The following RNF4 variants were observed in gnomAD, a reference collection of about 807,000 sequenced individuals.
The protein encoded by RNF4 is ring finger protein 4.
RNF4 carries 7 observed loss-of-function variants against 24.3 expected under a neutral mutation model. The ratio of observed to expected loss-of-function variants is 0.29; its 90% CI spans 0.16 to 0.54. RNF4 has a LOEUF of 0.54. Among genes scored for constraint, RNF4 ranks in the 20% least tolerant of loss-of-function variants. The pLI, the probability that RNF4 is intolerant of heterozygous loss-of-function variation, is 0.95. For missense variants in RNF4, 209 were observed against 248.5 expected, an observed-to-expected ratio of 0.84 and a Z score of 1.07; for synonymous variants, 83 against 84.3, an observed-to-expected ratio of 0.98 and a Z score of 0.09.
intron 2 of RNF4, among the ~76,000 whole-genome samples, chr4:2,494,000 G>A (rs34376263): frequency 0.2 from 30,210 of 151,474 alleles, 3,454 homozygotes; most frequent in Middle Eastern, 0.32. Flanking sequence ...ATGCCACCAC[G>A]CCCAGCTACT....
intron 1 of RNF4, among the ~76,000 whole-genome samples, chr4:2,470,756 G>A (rs372844181): frequency 1.2e-4 from 18 of 152,124 alleles, no homozygotes; most frequent in East Asian, 1.9e-4. Context: ...AACAGTCGTG[G>A]TCCTCCTGTA....
chr4:2,481,892 TAG>T (rs1735256307), intron 1 of RNF4, among the ~76,000 whole-genome samples: 1 of 152,166 alleles, frequency 6.6e-6, no homozygotes, highest in Non-Finnish European at 1.5e-5. Flanking sequence ...TATTTTTTTG[TAG>T]AGACAGGATT....
At chr4:2,474,681 TCTTTCATGAAAG>T (rs1735014307) in intron 1 of RNF4, among the ~76,000 whole-genome samples, 1 of 152,172 alleles carries the variant, frequency 6.6e-6, no homozygotes, top group African/African-American at 2.4e-5. Flanking sequence ...TACAGAGAAA[TCTTTCATGAAAG>T]GAAGAGACAA....
intron 2 of RNF4, among the ~76,000 whole-genome samples, chr4:2,494,373 C>CTT (rs753327529): frequency 0.017 from 1,708 of 98,242 alleles, 77 homozygotes; most frequent in Middle Eastern, 0.034. Flanking sequence ...CAACTTAGAA[C>CTT]TTTTTTTTTT....
At chr4:2,484,290 G>C (rs1735341482) in intron 1 of RNF4, among the ~76,000 whole-genome samples, 1 of 151,986 alleles carries the variant, frequency 6.6e-6, no homozygotes, top group South Asian at 2.1e-4. Context: ...TTCTGGTTCT[G>C]CTGTGCTCCC....
chr4:2,498,702 T>C (rs888206918), intron 3 of RNF4, among the ~76,000 whole-genome samples: 1 of 152,192 alleles, frequency 6.6e-6, no homozygotes, highest in African/African-American at 2.4e-5. Flanking sequence ...GCCAGCCAGA[T>C]TGCTTGAGCC....
At position 2,515,115 on chromosome 4, in the gene RNF4, G is replaced by C. The variant is rs778239610; in HGVS notation, c.*1296G>C. ...CCGGCATGCCTCCTCTTCCACTGTC[G>C]TCCTTCCTCAGAGGGCCTCACGCCA... is the stretch of plus-strand genomic sequence containing the variant. On this transcript the variant is annotated 3_prime_UTR_variant, in exon 8 of 8. Transcript: ENST00000314289. The C allele has an allele frequency of 2.0e-5, 3 of 152,612 alleles. No homozygotes were observed. The highest frequency in any genetic ancestry group is 4.4e-5 in the Non-Finnish European group (3 of 68,052). 9.5% of individuals were successfully genotyped at this position (152,612 alleles called of 1,614,324 possible). A position where few individuals can be genotyped will look rare whatever the true frequency, so the allele number is the denominator to read the frequency against.
chr4:2,490,670 G>A (rs942715666), intron 2 of RNF4, 168 bp downstream of exon 2: 26 of 627,206 alleles, frequency 4.1e-5, no homozygotes, highest in Admixed American at 1.2e-4. Context: ...CTTACTTACC[G>A]ACATTGAGCT....
rs528857303 is a variant in RNF4 at position 2,478,052 on chromosome 4, G to A, written c.-158+8794G>A. Among the ~76,000 whole-genome samples, 14 of 152,296 alleles carry A rather than the reference G, an allele frequency of 9.2e-5. No individual in the cohort carries two copies. The South Asian group carries it at 2.9e-3, about 32-fold the overall frequency. On this transcript the variant is annotated intron_variant, in intron 1 of 7. Coordinates refer to ENST00000314289, the MANE Select transcript of RNF4 (RefSeq NM_002938.5). ...GGTCTCAGATGGAGATGAGGAACTT[G>A]TTGGGAACTGGAGCAAGGGTCACTC...
intron 1 of RNF4, among the ~76,000 whole-genome samples, chr4:2,484,076 G>A (rs868615993): frequency 9.7e-5 from 2 of 20,642 alleles, no homozygotes; most frequent in South Asian, 1.0e-3. Context: ...ATCCCCCCCC[G>A]CCTCGGCCTC....
intron 4 of RNF4, among the ~76,000 whole-genome samples, chr4:2,504,260 G>A (rs7688476): frequency 0.06 from 9,107 of 152,176 alleles, 912 homozygotes; most frequent in African/African-American, 0.21. Context: ...CATCACTGCT[G>A]TGTCCCGAGG....
intron 1 of RNF4, among the ~76,000 whole-genome samples, chr4:2,473,078 A>T (rs985799970): frequency 6.6e-6 from 1 of 150,420 alleles, no homozygotes; most frequent in African/African-American, 2.4e-5. Flanking sequence ...GATTCATGGG[A>T]GGAGGTCAAA....
intron 4 of RNF4, among the ~76,000 whole-genome samples, chr4:2,503,307 C>G (rs1735972776): frequency 6.6e-6 from 1 of 152,180 alleles, no homozygotes; most frequent in South Asian, 2.1e-4. Context: ...CTGGGGCTGT[C>G]TGGTTAACCT....
intron 2 of RNF4, among the ~76,000 whole-genome samples, chr4:2,491,799 T>C (rs1193706797): frequency 6.6e-6 from 1 of 152,026 alleles, no homozygotes; most frequent in East Asian, 1.9e-4. Context: ...AGTGGTGTGA[T>C]CATAGCTCAC....
In RNF4 at chr4:2,512,455, A is replaced by G. The variant is rs748627129; in HGVS notation, c.232A>G (p.Arg78Gly). The G allele has an allele frequency of 1.2e-6, 2 of 1,612,042 alleles. No individual in the cohort carries two copies. The highest frequency in any genetic ancestry group is 1.1e-5 in the South Asian group (1 of 90,750). The change falls in exon 6 of 8, where the codon AGG (arginine) becomes GGG (glycine). Residue 78 changes from arginine to glycine, a missense_variant. Coordinates refer to ENST00000314289, the MANE Select transcript of RNF4 (RefSeq NM_002938.5). This position sits in a 1 kb window ranked among gnomAD's most constrained non-coding sequence, Gnocchi z 4.1. The stretch of plus-strand genomic sequence containing the variant: ...TACCTTAGAAAGAAGAAGACCAAGG[A>G]GGAATGCTAGGAGGCTGCCCCAGGA... Reference protein sequence around the residue: ...VIVDERRRPRRNARRLPQDHA... With the variant: ...VIVDERRRPRGNARRLPQDHA...
Position 2,515,165 on chromosome 4 carries a change from C to T in RNF4, c.*1346C>T, listed in dbSNP as rs1736381479. On this transcript the variant is annotated 3_prime_UTR_variant, in exon 8 of 8. Transcript: ENST00000314289. ...AAACAAACGGCCTTTTCGTGTGAAA[C>T]ATCTTCAGGGCGGGAAAGGGGCCAC... is the stretch of plus-strand genomic sequence containing the variant. 1 of 152,662 alleles carries T rather than the reference C, an allele frequency of 6.6e-6. No homozygotes were observed. Among genetic ancestry groups the T allele is most frequent in the Non-Finnish European group, 1.5e-5 (1 of 68,056 alleles). The allele number at this position is 152,662 out of a possible 1,614,324, so 9.5% of individuals were successfully genotyped here. A position where few individuals can be genotyped will look rare whatever the true frequency, so the allele number is the denominator to read the frequency against.
intron 1 of RNF4, among the ~76,000 whole-genome samples, chr4:2,476,310 C>T (rs1163375150): frequency 1.3e-5 from 2 of 152,298 alleles, no homozygotes; most frequent in East Asian, 3.9e-4. Context: ...TTCTCGCCTC[C>T]TACTCTTGCA....
At chr4:2,477,864 G>A (rs1479471311) in intron 1 of RNF4, among the ~76,000 whole-genome samples, 1 of 152,164 alleles carries the variant, frequency 6.6e-6, no homozygotes, top group East Asian at 1.9e-4. Flanking sequence ...CTGAAAATTT[G>A]GAAACAGCTT....
At chr4:2,506,930 C>T (rs1198704644) in intron 4 of RNF4, among the ~76,000 whole-genome samples, 2 of 152,096 alleles carry the variant, frequency 1.3e-5, no homozygotes, top group African/African-American at 4.8e-5. Flanking sequence ...AGAAGCAATG[C>T]AGTGGTAGAA....
Sources: allele counts gnomAD v4.1 joint callset (sites outside exome capture counted in the v4.1 genomes callset), GRCh38; gene constraint gnomAD v4.1.1; non-coding constraint Gnocchi (gnomAD v3.1); transcripts MANE v1.5; gene names NCBI Gene and HGNC (gene_info 2026-07-23, HGNC 2026-07-21).